TRUB2: variants seen among roughly 807,000 people sequenced by gnomAD.
TRUB2 encodes the protein pseudouridylate synthase TRUB2, mitochondrial.
TRUB2 carries 31 observed loss-of-function variants against 31.9 expected under a neutral mutation model. That is an observed-to-expected ratio of 0.97 (90% CI 0.73 to 1.31). The LOEUF (loss-of-function observed/expected upper bound fraction) is 1.31. TRUB2 is among the 50% of genes most tolerant of loss of function. The pLI is 0.00. For synonymous variants in TRUB2, 201 were observed against 182.6 expected, an observed-to-expected ratio of 1.10 and a Z score of -0.81; for missense variants, 451 against 439.6, an observed-to-expected ratio of 1.03 and a Z score of -0.23.
At chr9:128,318,730 C>T (rs569343126) in intron 2 of TRUB2, among the ~76,000 whole-genome samples, 62 of 152,056 alleles carry the variant, frequency 4.1e-4, no homozygotes, top group African/African-American at 1.4e-3. Context: ...GACGGAGTTT[C>T]ATCATGTTGG....
intron 5 of TRUB2, 103 bp from the exon 6 acceptor site, chr9:128,311,704 G>A (rs540830337): frequency 2.4e-6 from 3 of 1,270,334 alleles, no homozygotes; most frequent in Non-Finnish European, 3.4e-6. Flanking sequence ...CATGGAGAGA[G>A]GATGTTTTGG....
intron 2 of TRUB2, among the ~76,000 whole-genome samples, chr9:128,320,652 G>T (rs1832149815): frequency 6.6e-6 from 1 of 151,942 alleles, no homozygotes; most frequent in Non-Finnish European, 1.5e-5. Context: ...TCTTGTAGAA[G>T]TAGGGTTTCC....
intron 1 of TRUB2, among the ~76,000 whole-genome samples, chr9:128,322,023 T>C (rs1832193079): frequency 6.6e-6 from 1 of 152,166 alleles, no homozygotes; most frequent in Admixed American, 6.6e-5. Flanking sequence ...CAGAAGCCCA[T>C]GGTGCAGAGG....
At chr9:128,311,388 G>T (rs1450760997) in intron 6 of TRUB2, 141 bp downstream of exon 6, 4 of 877,568 alleles carry the variant, frequency 4.6e-6, no homozygotes, top group Non-Finnish European at 7.2e-6. Flanking sequence ...ATTTCTTAAT[G>T]CCAAGAAAGA....
intron 2 of TRUB2, among the ~76,000 whole-genome samples, chr9:128,320,078 G>A (rs1832137568): frequency 6.6e-6 from 1 of 151,380 alleles, no homozygotes; most frequent in South Asian, 2.1e-4. Context: ...ACCACGCCCG[G>A]CTAATTTCTT....
rs191692337 is a variant in TRUB2, at chr9:128,317,479, C to A, written c.242-253G>T. ...CTCCCAGTGAGAGGCTCTAAGAAGA[C>A]TGGCGTAACACTGAAGGTCAAGAGT... On this transcript the variant is annotated intron_variant, in intron 2 of 7. Coordinates refer to ENST00000372890, the MANE Select transcript of TRUB2 (RefSeq NM_015679.3). Among the ~76,000 whole-genome samples the A allele has an allele frequency of 2.0e-3, 310 of 152,298 alleles. 1 individual carries two copies. Among genetic ancestry groups the A allele is most frequent in the African/African-American group, 7.0e-3 (292 of 41,564 alleles).
Position 128,309,566 on chromosome 9 carries a change from C to G in TRUB2, c.980G>C (p.Arg327Thr), listed in dbSNP as rs111706054. The G allele has an allele frequency of 1.2e-5, 19 of 1,610,832 alleles. No individual in the cohort carries two copies. The highest frequency in any genetic ancestry group is 1.7e-5 in the Admixed American group (1 of 59,928). Reference protein sequence around the residue: ...QGPSSTLGLERGAGQ With the variant: ...QGPSSTLGLETGAGQ ...CCTGGGCATTCACTGCCCCGCACCC[C>G]TCTCCAGCCCCAAGGTAGAGCTCGG... Residue 327 changes from arginine (R) to threonine (T), a missense_variant, in exon 8 of 8, where the codon AGG (arginine) becomes ACG (threonine). Arg to Thr is a moderately conservative substitution (Grantham distance 71). Transcript: ENST00000372890.
intron 1 of TRUB2, among the ~76,000 whole-genome samples, chr9:128,322,053 G>A (rs1384999402): frequency 8.5e-5 from 13 of 152,348 alleles, no homozygotes; most frequent in Non-Finnish European, 1.9e-4. Context: ...CAGTAGTTAA[G>A]AAACAGGCGG....
At position 128,310,928 on chromosome 9, in the gene TRUB2, C is replaced by G. The variant is rs1422980897; in HGVS notation, c.629G>C (p.Gly210Ala). The G allele has an allele frequency of 6.2e-7, 1 of 1,614,110 alleles. No homozygotes were observed. Among genetic ancestry groups the G allele is most frequent in the African/African-American group, 1.3e-5 (1 of 74,936 alleles). The part of the protein sequence containing the change: ...PMNKSPMLIT[G>A]IRCLYFAPPE... ...AGGTGCAAAGTAGAGGCATCGGATG[C>G]CAGTTATCAGCATCGGGGACTTGTT... Residue 210 changes from glycine to alanine, a missense_variant, in exon 7 of 8, where the codon GGC (glycine) becomes GCC (alanine). By Grantham distance (60) the Gly-to-Ala change is moderately conservative. Coordinates refer to ENST00000372890, the MANE Select transcript of TRUB2 (RefSeq NM_015679.3).
chr9:128,313,675 C>T (rs1588523460), intron 5 of TRUB2, 133 bp downstream of exon 5: 11 of 764,974 alleles, frequency 1.4e-5, no homozygotes, highest in East Asian at 2.5e-5. Context: ...GCACAGATCC[C>T]GTGGCCAAAG....
chr9:128,313,479 C>G (rs1306011849), intron 5 of TRUB2, among the ~76,000 whole-genome samples: 1 of 133,258 alleles, frequency 7.5e-6, no homozygotes, highest in Non-Finnish European at 1.5e-5. Context: ...GTGCTTGCAG[C>G]GAGCTGAGAT....
intron 6 of TRUB2, 64 bp downstream of exon 6, chr9:128,311,465 G>A: frequency 6.6e-7 from 1 of 1,525,874 alleles, no homozygotes; most frequent in Non-Finnish European, 9.1e-7. Context: ...CCAGGTTTGG[G>A]GGAGCCTACG....
At chr9:128,314,371 C>T (rs1404583687) in intron 4 of TRUB2, among the ~76,000 whole-genome samples, 2 of 152,158 alleles carry the variant, frequency 1.3e-5, no homozygotes, top group Admixed American at 1.3e-4. Flanking sequence ...CTCTCCACGC[C>T]TCTAAATAGA....
chr9:128,310,880 AACCT>A lies in TRUB2; in HGVS notation c.670+3_670+6del, dbSNP rs1466759444. ...TCTCACTGCTCCAACTTCCTTGGCC[AACCT>A]ACCTAAGAGGAATTCCGGAGGTGCA... is the stretch of plus-strand genomic sequence containing the variant. On this transcript the variant is annotated splice_donor_5th_base_variant and intron_variant, in intron 7 of 7. Coordinates refer to ENST00000372890, the MANE Select transcript of TRUB2 (RefSeq NM_015679.3). The A allele has an allele frequency of 5.0e-6, 8 of 1,614,058 alleles. No homozygotes were observed. The highest frequency in any genetic ancestry group is 1.3e-5 in the African/African-American group (1 of 75,062).
chr9:128,315,771 G>A, intron 3 of TRUB2, 143 bp from the exon 4 acceptor site: 3 of 877,654 alleles, frequency 3.4e-6, no homozygotes, highest in Non-Finnish European at 5.4e-6. Flanking sequence ...TTCTACAGGG[G>A]GCAGGTGCAC....
chr9:128,309,792 A>C lies in TRUB2; in HGVS notation c.754T>G (p.Cys252Gly). Reference protein sequence around the residue: ...IGLELKTTAVCTQVRRTRDGF... With the variant: ...IGLELKTTAVGTQVRRTRDGF... ...TCGCGCGTGCGCCGCACTTGGGTGC[A>C]GACAGCAGTGGTCTTTAGTTCCAGG... is the stretch of plus-strand genomic sequence containing the variant. The change falls in exon 8 of 8, where the codon TGC becomes GGC. Residue 252 changes from cysteine to glycine, a missense_variant. By Grantham distance (159) the Cys-to-Gly change is radical (BLOSUM62 -3). Coordinates refer to ENST00000372890, the MANE Select transcript of TRUB2 (RefSeq NM_015679.3). The C allele has an allele frequency of 6.2e-7, 1 of 1,614,250 alleles. No homozygotes were observed. The highest frequency in any genetic ancestry group is 8.5e-7 in the Non-Finnish European group (1 of 1,180,048).
In TRUB2 at chr9:128,305,861, T is replaced by C. The variant is rs1200510696; in HGVS notation, c.*3689A>G. On this transcript the variant is annotated 3_prime_UTR_variant, in exon 8 of 8. Coordinates refer to ENST00000372890, the MANE Select transcript of TRUB2 (RefSeq NM_015679.3). ...CACACCAACACCCCCGGCTTTTTTG[T>C]TTGTTTGTTTGTTTTTTGTAGAGAC... 6.6e-6 allele frequency: 1 copy of C among 151,244 alleles called. No homozygotes were observed. The highest frequency in any genetic ancestry group is 1.9e-4 in the East Asian group (1 of 5,146). The allele number at this position is 151,244 out of a possible 1,614,324, so 9.4% of individuals were successfully genotyped here.
chr9:128,313,827 C>T lies in TRUB2; in HGVS notation c.441G>A (p.Leu147=). Residue 147 remains leucine (L), a synonymous_variant, in exon 5 of 8, where the codon CTG becomes CTA. Transcript: ENST00000372890. Reference sequence around the variant, plus strand: ...TCTCACCATAGGTTGTCTTCTCTACCAGCCTCCCGTCCTCACGGAAGTCAT... The same window carrying T: ...TCTCACCATAGGTTGTCTTCTCTACTAGCCTCCCGTCCTCACGGAAGTCAT... The part of the protein sequence containing the change: ...ATDDFREDGR[L]VEKTTYDHVT... 1.2e-6 allele frequency: 2 copies of T among 1,614,216 alleles called. No homozygotes were observed. The highest frequency in any genetic ancestry group is 1.7e-6 in the Non-Finnish European group (2 of 1,180,034).
At position 128,317,007 on chromosome 9, in the gene TRUB2, G is replaced by T. The variant is rs2231634; in HGVS notation, c.316+145C>A. ...CTCCGTCCCACCTATCCACTCCCCA[G>T]CTGATCAGCCTTGGGGCAGGAATCA... On this transcript the variant is annotated intron_variant, in intron 3 of 7. Coordinates refer to ENST00000372890, the MANE Select transcript of TRUB2 (RefSeq NM_015679.3). 52 of 681,752 alleles carry T rather than the reference G, an allele frequency of 7.6e-5. No homozygotes were observed. In the Admixed American group the frequency reaches 1.0e-3, roughly 13 times the overall value. The allele number at this position is 681,752 out of a possible 1,614,324, so 42.2% of individuals were successfully genotyped here. A position where few individuals can be genotyped will look rare whatever the true frequency, so the allele number is the denominator to read the frequency against.
Sources: allele counts gnomAD v4.1 joint callset (sites outside exome capture counted in the v4.1 genomes callset), GRCh38; gene constraint gnomAD v4.1.1; transcripts MANE v1.5; gene names NCBI Gene and HGNC (gene_info 2026-07-23, HGNC 2026-07-21).